Variants in CDH18 observed in about 807,000 individuals in gnomAD.
The protein encoded by CDH18 is cadherin 18.
CDH18 carries 31 observed loss-of-function variants against 67.9 expected under a neutral mutation model. The ratio of observed to expected loss-of-function variants is 0.46; its 90% confidence interval spans 0.34 to 0.62. The LOEUF (loss-of-function observed/expected upper bound fraction) is 0.62, where lower values mean the gene tolerates loss of function less well. Ranked by LOEUF, CDH18 falls within the 20% of genes least tolerant of loss-of-function variation. CDH18 has a pLI of 0.01. For synonymous variants in CDH18, 362 were observed against 347.2 expected (o/e 1.04, Z -0.48); for missense variants, 890 against 975.5 (o/e 0.91, Z 1.17).
intron 6 of CDH18, among the ~76,000 whole-genome samples, chr5:19,599,123 T>G (rs116619987): frequency 0.017 from 2,576 of 152,208 alleles, 80 homozygotes; most frequent in African/African-American, 0.058. Flanking sequence ...GATAATAACT[T>G]TAAACTTTCA....
At chr5:20,384,447 G>T (rs1287849202) in intron 1 of CDH18, among the ~76,000 whole-genome samples, 1 of 151,962 alleles carries the variant, frequency 6.6e-6, no homozygotes, top group Admixed American at 6.6e-5. Context: ...ATTGTATTCT[G>T]TTGGGCATAT....
At chr5:20,420,057 C>A (rs1385840628) in intron 1 of CDH18, among the ~76,000 whole-genome samples, 1 of 150,976 alleles carries the variant, frequency 6.6e-6, no homozygotes, top group Non-Finnish European at 1.5e-5. Flanking sequence ...TAGAGTAATG[C>A]TGAACATTCA....
At chr5:19,749,236 T>C (rs898584635) in intron 3 of CDH18, among the ~76,000 whole-genome samples, 3 of 151,952 alleles carry the variant, frequency 2.0e-5, no homozygotes, top group Admixed American at 6.6e-5. Context: ...AACAAATTCA[T>C]TTACCAAATG....
intron 2 of CDH18, among the ~76,000 whole-genome samples, chr5:20,063,429 T>G (rs893672127): frequency 5.3e-5 from 8 of 152,134 alleles, no homozygotes; most frequent in African/African-American, 1.9e-4. Flanking sequence ...ATGCATTATT[T>G]ATGTGCATCC....
At chr5:20,267,385 C>G (rs534656130) in intron 1 of CDH18, among the ~76,000 whole-genome samples, 5 of 152,214 alleles carry the variant, frequency 3.3e-5, no homozygotes, top group Non-Finnish European at 5.9e-5. Flanking sequence ...CAGCTTTGTT[C>G]TTTTTCCTCA....
intron 11 of CDH18, among the ~76,000 whole-genome samples, chr5:19,484,498 G>A (rs1482101173): frequency 6.6e-6 from 1 of 152,160 alleles, no homozygotes; most frequent in Non-Finnish European, 1.5e-5. Flanking sequence ...ATGCATAGCT[G>A]AAAACCCACA....
At chr5:19,593,738 C>CTTGTTCTTG (rs1561426483) in intron 6 of CDH18, among the ~76,000 whole-genome samples, 3 of 139,312 alleles carry the variant, frequency 2.2e-5, no homozygotes, top group Non-Finnish European at 3.1e-5. Flanking sequence ...TCTTCTTCTT[C>CTTGTTCTTG]TTCTTCTTCT....
intron 2 of CDH18, among the ~76,000 whole-genome samples, chr5:20,038,905 T>C (rs13177053): frequency 0.76 from 115,111 of 152,032 alleles, 46,735 homozygotes; most frequent in Non-Finnish European, 0.9. Flanking sequence ...AATTAAATTT[T>C]CTCTGTTTGC....
At chr5:20,234,657 C>T (rs943488062) in intron 2 of CDH18, among the ~76,000 whole-genome samples, 1 of 152,050 alleles carries the variant, frequency 6.6e-6, no homozygotes, top group African/African-American at 2.4e-5. Flanking sequence ...ACTCATTCTG[C>T]TCTAATTTGT....
At position 19,993,542 on chromosome 5, in the gene CDH18, T is replaced by C. The variant is rs920176032; in HGVS notation, c.-517-1528A>G. ...TTCAGTTGACAAAGCTGATACCATC[T>C]CTAACTCCTCTATTTTCCTCACCAC... On this transcript the variant is annotated intron_variant, in intron 2 of 14. Coordinates refer to the CDH18 transcript ENST00000507958. 2.0e-5 allele frequency among the ~76,000 whole-genome samples: 3 copies of C among 152,110 alleles called. No individual in the cohort carries two copies. The East Asian group carries it at 5.8e-4, about 29-fold the overall frequency.
At chr5:20,547,573 AGAATCAAACTATATGT>A (rs1307727334) in intron 1 of CDH18, among the ~76,000 whole-genome samples, 1 of 151,772 alleles carries the variant, frequency 6.6e-6, no homozygotes, top group African/African-American at 2.4e-5. Context: ...AAAAAAAAAA[AGAATCAAACTATATGT>A]AAAAAGTTTC....
chr5:20,286,657 G>T (rs1436722999), intron 1 of CDH18, among the ~76,000 whole-genome samples: 1 of 151,572 alleles, frequency 6.6e-6, no homozygotes, highest in African/African-American at 2.4e-5. Context: ...AAATGTTCTA[G>T]ATCTACTGCA....
At chr5:19,617,552 T>C (rs910847511) in intron 5 of CDH18, among the ~76,000 whole-genome samples, 2 of 152,240 alleles carry the variant, frequency 1.3e-5, no homozygotes, top group African/African-American at 4.8e-5. Context: ...CTCTTTTCAA[T>C]ACATCCTAGG....
At chr5:20,042,160 T>G (rs1355742602) in intron 2 of CDH18, among the ~76,000 whole-genome samples, 1 of 152,196 alleles carries the variant, frequency 6.6e-6, no homozygotes, top group African/African-American at 2.4e-5. Flanking sequence ...TTTTGCTTAA[T>G]CATGCAAGAT....
chr5:20,566,625 T>A (rs568927343), intron 1 of CDH18, among the ~76,000 whole-genome samples: 1 of 148,028 alleles, frequency 6.8e-6, no homozygotes, highest in East Asian at 2.0e-4. Flanking sequence ...TCCGCCCACC[T>A]AGGCCTTCCA....
At chr5:20,421,302 C>G (rs1747839587) in intron 1 of CDH18, among the ~76,000 whole-genome samples, 2 of 151,012 alleles carry the variant, frequency 1.3e-5, no homozygotes, top group South Asian at 4.1e-4. Flanking sequence ...CAGGTTCCTC[C>G]TTGGCTAGCA....
At chr5:19,944,911 T>C (rs1057025010) in intron 2 of CDH18, among the ~76,000 whole-genome samples, 1 of 152,096 alleles carries the variant, frequency 6.6e-6, no homozygotes, top group Non-Finnish European at 1.5e-5. Context: ...CATTTACCAT[T>C]ACATTTGAAT....
At chr5:20,188,208 G>A (rs948824799) in intron 2 of CDH18, among the ~76,000 whole-genome samples, 1 of 151,718 alleles carries the variant, frequency 6.6e-6, no homozygotes, top group Non-Finnish European at 1.5e-5. Context: ...AATTATTTTT[G>A]GTTAAAGAGA....
intron 1 of CDH18, among the ~76,000 whole-genome samples, chr5:20,412,051 A>G (rs78027376): frequency 0.027 from 4,056 of 152,276 alleles, 76 homozygotes; most frequent in Non-Finnish European, 0.036. Flanking sequence ...TTAATATGGT[A>G]TCAAAAAACA....
Sources: allele counts gnomAD v4.1 joint callset (sites outside exome capture counted in the v4.1 genomes callset), GRCh38; gene constraint gnomAD v4.1.1; transcripts MANE v1.5; gene names NCBI Gene and HGNC (gene_info 2026-07-23, HGNC 2026-07-21).